Variants in DIAPH1 observed in about 807,000 individuals in gnomAD.
The protein encoded by DIAPH1 is diaphanous related formin 1, also known as protein diaphanous homolog 1.
In DIAPH1, 46 loss-of-function variants were observed where a neutral mutation model predicts 140.7. The ratio of observed to expected loss-of-function variants is 0.33; its 90% confidence interval spans 0.26 to 0.42. The LOEUF is 0.42. Ranked by LOEUF, DIAPH1 falls within the 10% of genes least tolerant of loss-of-function variation. The probability of loss-of-function intolerance (pLI) is 1.00; values close to 1 mark genes in which losing one functional copy is unlikely to be tolerated. For synonymous variants in DIAPH1, 565 were observed against 551.6 expected, an observed-to-expected ratio of 1.02 and a Z score of -0.34; for missense variants, 1,310 against 1,558.7, an observed-to-expected ratio of 0.84 and a Z score of 2.69.
At position 141,610,293 on chromosome 5, in the gene DIAPH1, G is replaced by A. The variant is rs552451719; in HGVS notation, c.117+8505C>T. On this transcript the variant is annotated intron_variant, in intron 1 of 27. Coordinates refer to ENST00000389054, the MANE Select transcript of DIAPH1 (RefSeq NM_005219.5). ...ATTACAGGCACCCACCACCACACCC[G>A]GCTAATTTTTTTGTTTTGTTTTGTT... 7.6e-4 allele frequency among the ~76,000 whole-genome samples: 114 copies of A among 150,582 alleles called. 2 individuals carry two copies. Among genetic ancestry groups the A allele is most frequent in the East Asian group, 5.9e-4 (3 of 5,104 alleles).
Position 141,543,114 on chromosome 5 carries a change from T to C in DIAPH1, c.2483-8681A>G, listed in dbSNP as rs546715816. Among the ~76,000 whole-genome samples, 185 of 152,238 alleles carry C rather than the reference T, an allele frequency of 1.2e-3. 1 individual carries two copies. The highest frequency in any genetic ancestry group is 2.2e-3 in the Non-Finnish European group (150 of 68,020). On this transcript the variant is annotated intron_variant, in intron 18 of 27. Coordinates refer to ENST00000389054, the MANE Select transcript of DIAPH1 (RefSeq NM_005219.5). ...AGAAAATGTTCATAGTAGCATTATTTATAATAGCCAAAAAGTGGAAACAAT... is the reference window on the plus strand; with the variant it reads ...AGAAAATGTTCATAGTAGCATTATTCATAATAGCCAAAAAGTGGAAACAAT...
At chr5:141,546,186 A>G (rs1428719493) in intron 18 of DIAPH1, among the ~76,000 whole-genome samples, 1 of 152,086 alleles carries the variant, frequency 6.6e-6, no homozygotes, top group Non-Finnish European at 1.5e-5. Flanking sequence ...GTTTGAGCGC[A>G]GCCTGGCCAA....
intron 18 of DIAPH1, chr5:141,550,417 G>A (rs2099891510): frequency 6.5e-6 from 1 of 154,292 alleles, no homozygotes; most frequent in South Asian, 2.0e-4. Flanking sequence ...CTGTACATAA[G>A]CCAGATGTAA....
intron 8 of DIAPH1, among the ~76,000 whole-genome samples, chr5:141,580,315 T>C (rs1210520377): frequency 6.6e-6 from 1 of 152,192 alleles, no homozygotes; most frequent in Non-Finnish European, 1.5e-5. Context: ...AAACGTTCTA[T>C]GAGACTATAC....
chr5:141,587,513 G>A (rs1267618577), intron 2 of DIAPH1: 4 of 359,246 alleles, frequency 1.1e-5, no homozygotes, highest in Non-Finnish European at 2.1e-5. Context: ...GGAACTGAAA[G>A]CCTCTCATGA....
At chr5:141,597,816 C>A (rs1052788900) in intron 1 of DIAPH1, among the ~76,000 whole-genome samples, 1 of 152,206 alleles carries the variant, frequency 6.6e-6, no homozygotes, top group Non-Finnish European at 1.5e-5. Flanking sequence ...TCCTTCTCTG[C>A]TCTACTACCT....
Position 141,571,998 on chromosome 5 carries a change from C to T in DIAPH1, c.2401G>A (p.Val801Met), listed in dbSNP as rs1371798081. The T allele has an allele frequency of 3.1e-6, 5 of 1,614,208 alleles. No individual in the cohort carries two copies. The highest frequency in any genetic ancestry group is 3.3e-5 in the Admixed American group (2 of 60,028). Residue 801 changes from valine to methionine, a missense_variant, in exon 17 of 28, where the codon GTG (valine) becomes ATG (methionine). Transcript: ENST00000389054. ...DLSQDCFWTK[V>M]KEDRFENNEL... ...TTGTTCTCAAAGCGGTCCTCCTTCA[C>T]CTTTGTCCAGAAGCAGTCCTGGGAG...
At chr5:141,578,060 G>C in intron 11 of DIAPH1, 165 bp downstream of exon 11, 1 of 717,018 alleles carries the variant, frequency 1.4e-6, no homozygotes. Flanking sequence ...GATAAGCTAA[G>C]TAAAGCCAGC....
At position 141,560,683 on chromosome 5, in the gene DIAPH1, G is replaced by C. The variant is rs1339893440; in HGVS notation, c.2482+10745C>G. 1.2e-5 allele frequency: 4 copies of C among 321,886 alleles called. No homozygotes were observed. The East Asian group carries it at 3.4e-4, about 27-fold the overall frequency. The allele number at this position is 321,886 out of a possible 1,614,324, so 19.9% of individuals were successfully genotyped here. On this transcript the variant is annotated intron_variant, in intron 18 of 27. Transcript: ENST00000389054. ...TTAATCTCTGCTGTATCTCACCCAC[G>C]CTAACCTAAATAAATACTGAGTAAA...
chr5:141,539,289 G>A (rs977215151), intron 18 of DIAPH1, among the ~76,000 whole-genome samples: 11 of 151,142 alleles, frequency 7.3e-5, no homozygotes, highest in African/African-American at 2.7e-4. Context: ...AAAAAAAAAA[G>A]AGTTGTCAAA....
chr5:141,525,320 G>A (rs141475558), intron 26 of DIAPH1, among the ~76,000 whole-genome samples: 1 of 152,238 alleles, frequency 6.6e-6, no homozygotes, highest in Admixed American at 6.5e-5. Flanking sequence ...CAGGTTTAGA[G>A]GAGGGTGGCA....
At position 141,573,710 on chromosome 5, in the gene DIAPH1, G is replaced by T. The variant is rs2099895540; in HGVS notation, c.2140C>A (p.Pro714Thr). The T allele has an allele frequency of 6.4e-7, 1 of 1,557,920 alleles. No individual in the cohort carries two copies. The highest frequency in any genetic ancestry group is 8.7e-7 in the Non-Finnish European group (1 of 1,145,702). ...CCAGGAAGAGGGGGAGGAGGAGGTG[G>T]CATTCCTGCTTCTCCAGGCAAGGGA... ...PPPLPGEAGM[P>T]PPPPPLPGGP... The change falls in exon 16 of 28, where the codon CCA (proline) becomes ACA (threonine). Residue 714 changes from proline (P) to threonine (T), a missense_variant. Transcript: ENST00000389054.
chr5:141,594,925 C>G (rs1397988760), intron 1 of DIAPH1, among the ~76,000 whole-genome samples: 1 of 151,350 alleles, frequency 6.6e-6, no homozygotes, highest in Admixed American at 6.6e-5. Flanking sequence ...CCTGTAATCC[C>G]AGCTACTTGG....
rs754521222 is a variant in DIAPH1, at chr5:141,526,339, T to C, written c.3396A>G (p.Glu1132=). 6.2e-7 allele frequency: 1 copy of C among 1,614,234 alleles called. No individual in the cohort carries two copies. The highest frequency in any genetic ancestry group is 8.5e-7 in the Non-Finnish European group (1 of 1,180,036). Residue 1132 remains glutamate (E), a synonymous_variant, in exon 25 of 28, where the codon GAA becomes GAG. Coordinates refer to ENST00000389054, the MANE Select transcript of DIAPH1 (RefSeq NM_005219.5). ...FLFDPKKLSV[E]EFFMDLHNFR... ...AATTGTGAAGATCCATGAAAAATTC[T>C]TCAACAGACAACTTCTTGGGGTCAA... is the stretch of plus-strand genomic sequence containing the variant.
intron 1 of DIAPH1, among the ~76,000 whole-genome samples, chr5:141,592,731 C>T (rs1052518072): frequency 1.3e-5 from 2 of 152,208 alleles, no homozygotes; most frequent in Non-Finnish European, 2.9e-5. Context: ...AAATATCTCA[C>T]TTCCTGGCCC....
At chr5:141,612,235 T>A (rs552172535) in intron 1 of DIAPH1, among the ~76,000 whole-genome samples, 2 of 152,342 alleles carry the variant, frequency 1.3e-5, no homozygotes, top group Admixed American at 6.5e-5. Flanking sequence ...GGAAAACAGT[T>A]TGAAAACAGT....
chr5:141,584,533 G>C (rs2099897243), intron 3 of DIAPH1, among the ~76,000 whole-genome samples: 1 of 152,122 alleles, frequency 6.6e-6, no homozygotes, highest in Non-Finnish European at 1.5e-5. Flanking sequence ...AATGCTTTCT[G>C]CATCAAGGAT....
intron 18 of DIAPH1, among the ~76,000 whole-genome samples, chr5:141,550,006 G>A (rs2099891439): frequency 6.6e-6 from 1 of 152,118 alleles, no homozygotes; most frequent in African/African-American, 2.4e-5. Context: ...CAAGGATACA[G>A]AAAGGAAGAA....
chr5:141,615,545 T>C (rs921670217), intron 1 of DIAPH1, among the ~76,000 whole-genome samples: 1 of 148,532 alleles, frequency 6.7e-6, no homozygotes, highest in African/African-American at 2.5e-5. Flanking sequence ...ATCGACAACA[T>C]CCTGGCTAAC....
Sources: allele counts gnomAD v4.1 joint callset (sites outside exome capture counted in the v4.1 genomes callset), GRCh38; gene constraint gnomAD v4.1.1; transcripts MANE v1.5; gene names NCBI Gene and HGNC (gene_info 2026-07-23, HGNC 2026-07-21).